Variants in FAR2 observed in about 807,000 individuals in gnomAD.
The protein encoded by FAR2 is epididymis secretory protein Li 81.
A neutral mutation model predicts 56.0 loss-of-function variants in FAR2; 19 were observed. That is an observed-to-expected ratio of 0.34 (90% CI 0.24 to 0.50). FAR2 has a LOEUF of 0.50. Ranked by LOEUF, FAR2 falls within the 20% of genes least tolerant of loss-of-function variation. The probability of loss-of-function intolerance (pLI) is 0.98; values close to 1 mark genes in which losing one functional copy is unlikely to be tolerated. For missense variants in FAR2, 508 were observed against 642.2 expected, an observed-to-expected ratio of 0.79 and a Z score of 2.26; for synonymous variants, 219 against 218.8, an observed-to-expected ratio of 1.00 and a Z score of -0.01.
chr12:29,325,703 GA>G (rs1949632339), intron 10 of FAR2, among the ~76,000 whole-genome samples: 1 of 152,094 alleles, frequency 6.6e-6, no homozygotes, highest in South Asian at 2.1e-4. Context: ...TGAAACCAAC[GA>G]GAACAAAGAC....
intron 1 of FAR2, among the ~76,000 whole-genome samples, chr12:29,155,548 T>C (rs1469619109): frequency 6.6e-6 from 1 of 152,248 alleles, no homozygotes; most frequent in Non-Finnish European, 1.5e-5. Context: ...CCCTGCCTTT[T>C]TGTTTATTCT....
chr12:29,163,744 T>C (rs758260626), intron 1 of FAR2, among the ~76,000 whole-genome samples: 6 of 152,184 alleles, frequency 3.9e-5, no homozygotes, highest in Non-Finnish European at 8.8e-5. Flanking sequence ...GTGTGGAGAC[T>C]GGGAGACAGA....
At chr12:29,308,972 C>A (rs1328249964) in intron 5 of FAR2, among the ~76,000 whole-genome samples, 3 of 151,914 alleles carry the variant, frequency 2.0e-5, no homozygotes, top group African/African-American at 7.3e-5. Context: ...ACAATCCTGG[C>A]AAAATTCTAA....
At chr12:29,196,912 A>G (rs1239017933) in intron 1 of FAR2, among the ~76,000 whole-genome samples, 2 of 152,192 alleles carry the variant, frequency 1.3e-5, no homozygotes, top group African/African-American at 4.8e-5. Flanking sequence ...GCTCAAGAAC[A>G]ACAACCAGAA....
chr12:29,182,938 CTTT>C (rs11298420), intron 1 of FAR2, among the ~76,000 whole-genome samples: 122 of 130,922 alleles, frequency 9.3e-4, no homozygotes, highest in Admixed American at 9.0e-4. Context: ...TACTCATTGT[CTTT>C]TTTTTTTTTT....
intron 2 of FAR2, among the ~76,000 whole-genome samples, chr12:29,291,119 CTACT>C (rs1948958527): frequency 6.6e-6 from 1 of 151,960 alleles, no homozygotes; most frequent in South Asian, 2.1e-4. Flanking sequence ...ATATATATAC[CTACT>C]ATGTACCCAC....
intron 1 of FAR2, among the ~76,000 whole-genome samples, chr12:29,197,914 C>A (rs1032754734): frequency 6.6e-6 from 1 of 151,980 alleles, no homozygotes; most frequent in East Asian, 1.9e-4. Context: ...TTTGTATGAA[C>A]CAAAACTCAT....
intron 1 of FAR2, among the ~76,000 whole-genome samples, chr12:29,196,305 A>G (rs886187685): frequency 1.3e-5 from 2 of 152,160 alleles, no homozygotes; most frequent in Admixed American, 6.5e-5. Context: ...ATTTCCATCA[A>G]CAGTATATAA....
intron 10 of FAR2, among the ~76,000 whole-genome samples, chr12:29,330,270 G>A (rs982634326): frequency 2.6e-5 from 4 of 151,914 alleles, no homozygotes; most frequent in Non-Finnish European, 4.4e-5. Flanking sequence ...TTGGTCAGGC[G>A]GGTCTTGAAC....
At chr12:29,309,101 A>G in intron 5 of FAR2, 85 bp from the exon 6 acceptor site, 2 of 947,628 alleles carry the variant, frequency 2.1e-6, no homozygotes, top group South Asian at 2.7e-5. Flanking sequence ...TCTTGTTTGA[A>G]ATTTATTAAG....
intron 1 of FAR2, among the ~76,000 whole-genome samples, chr12:29,183,244 C>A (rs1046250256): frequency 2.0e-5 from 3 of 152,176 alleles, no homozygotes; most frequent in Non-Finnish European, 4.4e-5. Context: ...CCCATCCTGA[C>A]AATTCACTCT....
intron 1 of FAR2, among the ~76,000 whole-genome samples, chr12:29,263,464 A>G (rs932886502): frequency 1.9e-4 from 29 of 152,084 alleles, no homozygotes; most frequent in African/African-American, 6.8e-4. Context: ...TCTGGCCACA[A>G]TGGAGTAAAA....
intron 1 of FAR2, among the ~76,000 whole-genome samples, chr12:29,210,504 T>G (rs1390027199): frequency 1.3e-5 from 2 of 152,194 alleles, no homozygotes; most frequent in Non-Finnish European, 2.9e-5. Context: ...GGCCTTATTG[T>G]ATGTAAAAAT....
intron 1 of FAR2, among the ~76,000 whole-genome samples, chr12:29,194,521 C>CCACACACACACACACACA (rs3222956): frequency 1.7e-4 from 24 of 140,892 alleles, no homozygotes; most frequent in East Asian, 8.6e-4. Flanking sequence ...GCTAGTGATG[C>CCACACACACACACACACA]CACACACACA....
chr12:29,329,672 A>G (rs1357534879), intron 10 of FAR2, among the ~76,000 whole-genome samples: 1 of 152,236 alleles, frequency 6.6e-6, no homozygotes, highest in African/African-American at 2.4e-5. Context: ...ATTTCTTTCA[A>G]AAAGCAATTC....
intron 2 of FAR2, among the ~76,000 whole-genome samples, chr12:29,271,431 A>T (rs948788037): frequency 2.0e-5 from 3 of 152,230 alleles, no homozygotes; most frequent in African/African-American, 7.2e-5. Context: ...ATTTCATAGG[A>T]ACTAAATGAG....
chr12:29,171,802 G>A, intron 1 of FAR2: 1 of 152,802 alleles, frequency 6.5e-6, no homozygotes, highest in Non-Finnish European at 1.5e-5. Flanking sequence ...CCTCTGCCCG[G>A]CCGCTGCCCT....
At chr12:29,292,022 C>T (rs555383051) in intron 2 of FAR2, among the ~76,000 whole-genome samples, 1 of 152,260 alleles carries the variant, frequency 6.6e-6, no homozygotes, top group Non-Finnish European at 1.5e-5. Context: ...TACAATGCAA[C>T]AGATACAACA....
chr12:29,277,613 G>A (rs963546155), intron 2 of FAR2: 4 of 152,182 alleles, frequency 2.6e-5, no homozygotes, highest in Non-Finnish European at 4.4e-5. Context: ...CAATTTGAGA[G>A]AGAAAATAAC....
Sources: allele counts gnomAD v4.1 joint callset (sites outside exome capture counted in the v4.1 genomes callset), GRCh38; gene constraint gnomAD v4.1.1; transcripts MANE v1.5; gene names NCBI Gene and HGNC (gene_info 2026-07-23, HGNC 2026-07-21).